CFAP52: variants seen among roughly 807,000 people sequenced by gnomAD.
The protein encoded by CFAP52 is cilia and flagella associated protein 52.
A neutral mutation model predicts 70.5 loss-of-function variants in CFAP52; 57 were observed. The observed-to-expected ratio is 0.81, with a 90% CI of 0.65 to 1.01. CFAP52 has a LOEUF of 1.01. Ranked by LOEUF, CFAP52 falls within the 50% of genes least tolerant of loss-of-function variation. CFAP52 has a pLI of 0.00. For missense variants in CFAP52, 785 were observed against 788.5 expected, an observed-to-expected ratio of 1.00 and a Z score of 0.05; for synonymous variants, 267 against 292.5, an observed-to-expected ratio of 0.91 and a Z score of 0.89.
chr17:9,590,208 G>T, intron 3 of CFAP52: 2 of 180,842 alleles, frequency 1.1e-5, no homozygotes, highest in South Asian at 1.4e-4. Flanking sequence ...TCCTCATCCA[G>T]GTTACTTTCT....
chr17:9,583,105 G>A (rs1401518829), intron 1 of CFAP52, among the ~76,000 whole-genome samples: 1 of 152,096 alleles, frequency 6.6e-6, no homozygotes, highest in Non-Finnish European at 1.5e-5. Flanking sequence ...TGTGTAAGGT[G>A]TGAATTATGA....
At chr17:9,604,224 T>A (rs1047893334) in intron 6 of CFAP52, among the ~76,000 whole-genome samples, 1 of 152,114 alleles carries the variant, frequency 6.6e-6, no homozygotes, top group Non-Finnish European at 1.5e-5. Flanking sequence ...AGACCTAAGA[T>A]GTGGTGATAA....
intron 3 of CFAP52, among the ~76,000 whole-genome samples, chr17:9,593,783 G>A (rs1234153802): frequency 1.3e-5 from 2 of 152,038 alleles, no homozygotes; most frequent in African/African-American, 2.4e-5. Context: ...TGGCCAACAC[G>A]GTGAAACCCT....
intron 3 of CFAP52, 22 bp from the exon 4 acceptor site, chr17:9,594,171 T>C: frequency 1.3e-6 from 2 of 1,548,630 alleles, no homozygotes; most frequent in Non-Finnish European, 1.7e-6. Context: ...CTTTTTTTTT[T>C]TGGTCCCTCT....
At chr17:9,630,579 G>A (rs892257860) in intron 9 of CFAP52, among the ~76,000 whole-genome samples, 69 of 148,766 alleles carry the variant, frequency 4.6e-4, no homozygotes, top group Non-Finnish European at 3.9e-4. Flanking sequence ...ACAGGCGCCC[G>A]CTACCACGCC....
At chr17:9,630,426 ATTT>A (rs560084144) in intron 9 of CFAP52, among the ~76,000 whole-genome samples, 10 of 127,816 alleles carry the variant, frequency 7.8e-5, no homozygotes, top group Admixed American at 1.6e-4. Flanking sequence ...AATTTTTGTA[ATTT>A]TTTTTTTTTT....
At chr17:9,632,790 C>A (rs1910609580) in intron 9 of CFAP52, 98 bp from the exon 10 acceptor site, 2 of 1,509,202 alleles carry the variant, frequency 1.3e-6, no homozygotes, top group Non-Finnish European at 8.9e-7. Flanking sequence ...AGCACAGCAC[C>A]ACTCACCAGG....
intron 8 of CFAP52, among the ~76,000 whole-genome samples, chr17:9,622,387 T>C (rs1910074960): frequency 6.6e-6 from 1 of 151,960 alleles, no homozygotes; most frequent in African/African-American, 2.4e-5. Context: ...CTTCCTCATC[T>C]TTACAAAACT....
rs1176927481 is a variant in CFAP52 at position 9,635,517 on chromosome 17, C to A, written c.1433C>A (p.Thr478Asn). The A allele has an allele frequency of 3.1e-6, 5 of 1,614,192 alleles. No individual in the cohort carries two copies. The highest frequency in any genetic ancestry group is 1.1e-5 in the South Asian group (1 of 91,082). ...AAGAGGAACAACGAGGAGTGTGTCACCGCCAGCACCGATGGGACTTGTATC... is the reference window on the plus strand; with the variant it reads ...AAGAGGAACAACGAGGAGTGTGTCAACGCCAGCACCGATGGGACTTGTATC... The part of the protein sequence containing the change: ...RVKRNNEECV[T>N]ASTDGTCIIW... Residue 478 changes from threonine to asparagine, a missense_variant, in exon 11 of 14, where the codon ACC (threonine) becomes AAC (asparagine). Thr to Asn is a moderately conservative substitution (Grantham distance 65). Transcript: ENST00000352665.
rs766245608 is a variant in CFAP52, at chr17:9,612,333, C to A, written c.879C>A (p.Ile293=). The A allele has an allele frequency of 6.2e-7, 1 of 1,614,142 alleles. No homozygotes were observed. Among genetic ancestry groups the A allele is most frequent in the Non-Finnish European group, 8.5e-7 (1 of 1,180,008 alleles). Residue 293 remains isoleucine, a synonymous_variant, in exon 8 of 14, where the codon ATC becomes ATA. Transcript: ENST00000352665. ...GGAAGATTCAGTTACAAGGCGGCAT[C>A]ACTTCTATCACACTTCGAGGAGAAG... ...PIKKIQLQGG[I]TSITLRGEGH...
At chr17:9,645,287 G>A (rs1462780913), downstream of CFAP52, 1 of 179,722 alleles carries the variant, frequency 5.6e-6, no homozygotes, top group Non-Finnish European at 1.2e-5. This position sits in a 1 kb window ranked among gnomAD's most constrained non-coding sequence, Gnocchi z 6.8. Flanking sequence ...TCCACTGCTT[G>A]AAGGCTGCTC....
intron 7 of CFAP52, chr17:9,610,332 A>T (rs1383985888): frequency 1.3e-5 from 2 of 152,200 alleles, no homozygotes; most frequent in African/African-American, 4.8e-5. Context: ...ACTCAAAGTA[A>T]TTATCACCAG....
intron 3 of CFAP52, among the ~76,000 whole-genome samples, chr17:9,589,150 C>CTATGTA: frequency 6.6e-6 from 1 of 152,094 alleles, no homozygotes; most frequent in South Asian, 2.1e-4. Context: ...ACAATCAATG[C>CTATGTA]AAGACATTCC....
At chr17:9,622,151 T>C (rs1910066123) in intron 8 of CFAP52, among the ~76,000 whole-genome samples, 2 of 152,210 alleles carry the variant, frequency 1.3e-5, no homozygotes, top group Admixed American at 1.3e-4. Context: ...TATTTGGAAT[T>C]CTAGATCTTT....
chr17:9,621,893 T>C (rs1230934317), intron 8 of CFAP52, among the ~76,000 whole-genome samples: 2 of 147,230 alleles, frequency 1.4e-5, no homozygotes, highest in Non-Finnish European at 3.0e-5. Flanking sequence ...TTGGGAGATA[T>C]ACCTAATGCT....
At chr17:9,605,725 C>T (rs1021746274) in intron 6 of CFAP52, among the ~76,000 whole-genome samples, 2 of 125,698 alleles carry the variant, frequency 1.6e-5, no homozygotes, top group Admixed American at 8.1e-5. Flanking sequence ...AAAAAAAAAT[C>T]AGTGCTTGCC....
chr17:9,594,423 G>T, intron 4 of CFAP52, 102 bp downstream of exon 4: 1 of 1,395,808 alleles, frequency 7.2e-7, no homozygotes, highest in Non-Finnish European at 9.6e-7. Flanking sequence ...CTTTAGTCCT[G>T]GATAAATACC....
In CFAP52 at chr17:9,641,802, G is replaced by A; in HGVS notation, c.1654G>A (p.Asp552Asn). The A allele has an allele frequency of 6.2e-7, 1 of 1,613,918 alleles. No homozygotes were observed. The highest frequency in any genetic ancestry group is 8.5e-7 in the Non-Finnish European group (1 of 1,179,856). ...GSLSGSINGM[D>N]ITQEGVHFVT... ...CCTGTCTGGGTCGATAAATGGCATG[G>A]ATATCACACAGGAAGGGGTGCACTT... The change falls in exon 13 of 14, where the codon GAT (aspartate) becomes AAT (asparagine). Residue 552 changes from aspartate (D) to asparagine (N), a missense_variant. By Grantham distance (23) the Asp-to-Asn change is conservative. Transcript: ENST00000352665.
At chr17:9,579,857 T>C (rs1163814630) in intron 1 of CFAP52, among the ~76,000 whole-genome samples, 1 of 152,230 alleles carries the variant, frequency 6.6e-6, no homozygotes, top group Non-Finnish European at 1.5e-5. Flanking sequence ...CGTGAGCCAC[T>C]GCGACTGGCC....
Sources: allele counts gnomAD v4.1 joint callset (sites outside exome capture counted in the v4.1 genomes callset), GRCh38; gene constraint gnomAD v4.1.1; non-coding constraint Gnocchi (gnomAD v3.1); transcripts MANE v1.5; gene names NCBI Gene and HGNC (gene_info 2026-07-23, HGNC 2026-07-21).